Variants in PKP4 observed in about 807,000 individuals in gnomAD.
PKP4 encodes plakophilin-4.
PKP4 carries 90 observed loss-of-function variants against 145.1 expected under a neutral mutation model. The observed-to-expected ratio is 0.62, with a 90% confidence interval of 0.52 to 0.74. PKP4 has a LOEUF of 0.74. PKP4 is among the 30% of genes least tolerant of loss of function. The pLI, the probability that PKP4 is intolerant of heterozygous loss-of-function variation, is 0.00. For missense variants in PKP4, 1,340 were observed against 1,482.7 expected (o/e 0.90, Z 1.58); for synonymous variants, 563 against 577.2 (o/e 0.98, Z 0.35).
intron 10 of PKP4, 27 bp downstream of exon 10, chr2:158,640,786 T>C (rs1440191277): frequency 6.2e-7 from 1 of 1,613,018 alleles, no homozygotes; most frequent in Non-Finnish European, 8.5e-7. Flanking sequence ...CTGGGATGAC[T>C]GGGGAAAATA....
intron 10 of PKP4, among the ~76,000 whole-genome samples, chr2:158,642,271 A>T (rs1001111118): frequency 1.3e-5 from 2 of 152,182 alleles, no homozygotes; most frequent in Non-Finnish European, 2.9e-5. Context: ...TGATCCGCCC[A>T]TCTTGGCCTC....
At position 158,658,332 on chromosome 2, in the gene PKP4, T is replaced by G; in HGVS notation, c.2093+18T>G. 1.4e-6 allele frequency: 2 copies of G among 1,476,060 alleles called. No homozygotes were observed. Among genetic ancestry groups the G allele is most frequent in the Non-Finnish European group, 1.9e-6 (2 of 1,070,780 alleles). 91.4% of individuals were successfully genotyped at this position (1,476,060 alleles called of 1,614,324 possible). On this transcript the variant is annotated intron_variant, in intron 12 of 21. Transcript: ENST00000389759. ...TGCCTAAGGTAAATTCTTTATTTCTTCTTTCCAGTTAATTCTGTGATTAAA... is the reference window on the plus strand; with the variant it reads ...TGCCTAAGGTAAATTCTTTATTTCTGCTTTCCAGTTAATTCTGTGATTAAA...
intron 1 of PKP4, among the ~76,000 whole-genome samples, chr2:158,486,646 CTAAG>C (rs1694205636): frequency 1.3e-5 from 2 of 152,170 alleles, no homozygotes; most frequent in South Asian, 2.1e-4. Flanking sequence ...AGAGAATAGA[CTAAG>C]TAAGGCATAA....
At chr2:158,632,641 TAGTA>T (rs1473266982) in intron 8 of PKP4, 3 of 152,044 alleles carry the variant, frequency 2.0e-5, no homozygotes, top group Non-Finnish European at 2.9e-5. Flanking sequence ...TTTTTTTTTT[TAGTA>T]AGTATCACAA....
At chr2:158,547,628 C>T (rs2045195413) in intron 2 of PKP4, among the ~76,000 whole-genome samples, 1 of 152,314 alleles carries the variant, frequency 6.6e-6, no homozygotes, top group Non-Finnish European at 1.5e-5. Flanking sequence ...ACCCCTAACG[C>T]TGTGCCTTTA....
chr2:158,617,308 A>G (rs2051734155), intron 4 of PKP4, among the ~76,000 whole-genome samples: 1 of 152,172 alleles, frequency 6.6e-6, no homozygotes, highest in East Asian at 1.9e-4. Context: ...GGTGTCCCAG[A>G]AAACATGTTT....
chr2:158,646,173 A>C (rs1000805423), intron 11 of PKP4, among the ~76,000 whole-genome samples: 1 of 152,246 alleles, frequency 6.6e-6, no homozygotes, highest in African/African-American at 2.4e-5. Context: ...CTTTTAGGCT[A>C]TAAGAAACAA....
chr2:158,601,507 A>G (rs1311039323), intron 3 of PKP4, among the ~76,000 whole-genome samples: 3 of 152,346 alleles, frequency 2.0e-5, no homozygotes, highest in African/African-American at 7.2e-5. Flanking sequence ...TGGAGTCACA[A>G]GACAGTGATG....
chr2:158,544,534 A>G (rs907883015), intron 2 of PKP4, among the ~76,000 whole-genome samples: 1 of 152,134 alleles, frequency 6.6e-6, no homozygotes, highest in African/African-American at 2.4e-5. Context: ...CCAGCTCAAC[A>G]AGAAAAGTCC....
chr2:158,505,695 A>G (rs577507975), intron 1 of PKP4, among the ~76,000 whole-genome samples: 1 of 152,114 alleles, frequency 6.6e-6, no homozygotes, highest in African/African-American at 2.4e-5. Flanking sequence ...GGGGTTCATC[A>G]GGATCAGAGT....
intron 3 of PKP4, among the ~76,000 whole-genome samples, chr2:158,597,023 C>A (rs1043947120): frequency 6.6e-6 from 1 of 152,108 alleles, no homozygotes; most frequent in Non-Finnish European, 1.5e-5. Context: ...TTAAAAGTTG[C>A]TTCACACTTT....
At chr2:158,506,824 G>C (rs2041022487) in intron 1 of PKP4, among the ~76,000 whole-genome samples, 2 of 152,186 alleles carry the variant, frequency 1.3e-5, no homozygotes, top group Admixed American at 6.5e-5. Flanking sequence ...CCTCAGACTA[G>C]AGTGTTCATA....
At chr2:158,564,355 T>C (rs532430390) in intron 2 of PKP4, among the ~76,000 whole-genome samples, 2 of 152,170 alleles carry the variant, frequency 1.3e-5, no homozygotes. Flanking sequence ...GTCCAACTCA[T>C]TCTTTTGAAT....
At position 158,625,167 on chromosome 2, in the gene PKP4, A is replaced by G. The variant is rs1437344737; in HGVS notation, c.893A>G (p.Asn298Ser). The change falls in exon 7 of 22, where the codon AAT (asparagine) becomes AGT (serine). Residue 298 changes from asparagine (N) to serine (S), a missense_variant. Transcript: ENST00000389759. ...TCAGTCACCTCCCGGCAGACCTCCA[A>G]TCCCAACGGACCAACCCCTCAATAC... The part of the protein sequence containing the change: ...IGSVTSRQTS[N>S]PNGPTPQYQT... The G allele has an allele frequency of 5.6e-6, 9 of 1,613,978 alleles. No individual in the cohort carries two copies. Among genetic ancestry groups the G allele is most frequent in the African/African-American group, 5.3e-5 (4 of 74,888 alleles).
chr2:158,544,578 T>C (rs2044810587), intron 2 of PKP4, among the ~76,000 whole-genome samples: 2 of 152,160 alleles, frequency 1.3e-5, no homozygotes, highest in African/African-American at 4.8e-5. Context: ...TCTGATGATA[T>C]GTAGGCTGCA....
At chr2:158,478,514 C>T (rs1692856532) in intron 1 of PKP4, among the ~76,000 whole-genome samples, 1 of 152,240 alleles carries the variant, frequency 6.6e-6, no homozygotes, top group Non-Finnish European at 1.5e-5. Flanking sequence ...CTGCCCACCG[C>T]TCTCTGCCTT....
At chr2:158,542,976 A>AT (rs1361419057) in intron 2 of PKP4, among the ~76,000 whole-genome samples, 1 of 152,192 alleles carries the variant, frequency 6.6e-6, no homozygotes, top group African/African-American at 2.4e-5. Context: ...ACTTAATTCT[A>AT]TAAGTGGTAG....
At chr2:158,477,557 CAG>C (rs746794532) in intron 1 of PKP4, among the ~76,000 whole-genome samples, 18 of 152,210 alleles carry the variant, frequency 1.2e-4, no homozygotes, top group Non-Finnish European at 2.4e-4. Flanking sequence ...AGTCAAGCAT[CAG>C]GGGATAGACC....
Position 158,681,041 on chromosome 2 carries a change from G to GA in PKP4, c.*370dup. ...AAGTTATGTTCTGATAGTTTGTACA[G>GA]AAAAAATAAAATGGATGCCCATGTT... On this transcript the variant is annotated 3_prime_UTR_variant, in exon 22 of 22. Transcript: ENST00000389759. 1 of 176,402 alleles carries GA rather than the reference G, an allele frequency of 5.7e-6. No homozygotes were observed. Among genetic ancestry groups the GA allele is most frequent in the Non-Finnish European group, 1.2e-5 (1 of 83,358 alleles). The allele number at this position is 176,402 out of a possible 1,614,324, so 10.9% of individuals were successfully genotyped here.
Sources: gnomAD v4.1 joint callset for allele counts (sites outside exome capture counted in the v4.1 genomes callset) on GRCh38, gnomAD v4.1.1 for gene constraint, MANE v1.5 for transcripts, NCBI Gene and HGNC (gene_info 2026-07-23, HGNC 2026-07-21) for gene names.